Variants in RAP1B observed in about 807,000 individuals in gnomAD.
RAP1B encodes RAP1B, member of RAS oncogene family, also known as ras-related protein Rap-1b.
In RAP1B, 1 loss-of-function variant was observed where a neutral mutation model predicts 27.5. The ratio of observed to expected loss-of-function variants is 0.04; its 90% confidence interval spans 0.01 to 0.17. RAP1B has a LOEUF of 0.17. RAP1B is among the 10% of genes least tolerant of loss of function. RAP1B has a pLI of 1.00. For missense variants in RAP1B, 84 were observed against 214.8 expected, an observed-to-expected ratio of 0.39 and a Z score of 3.81; for synonymous variants, 75 against 73.1, an observed-to-expected ratio of 1.03 and a Z score of -0.13.
intron 1 of RAP1B, among the ~76,000 whole-genome samples, chr12:68,613,720 G>T (rs1164356315): frequency 6.6e-6 from 1 of 152,146 alleles, no homozygotes; most frequent in Admixed American, 6.5e-5. Flanking sequence ...GCACAGTGTA[G>T]CGCGTTGCCT....
At chr12:68,649,535 C>T (rs1375005187) in intron 2 of RAP1B, 1 of 152,034 alleles carries the variant, frequency 6.6e-6, no homozygotes, top group South Asian at 2.1e-4. Context: ...AGAGGAAAAA[C>T]GTAGGGAAAA....
At chr12:68,611,854 C>G (rs150580646) in intron 1 of RAP1B, among the ~76,000 whole-genome samples, 4 of 152,306 alleles carry the variant, frequency 2.6e-5, no homozygotes, top group Admixed American at 6.5e-5. Context: ...CTAAAACTAT[C>G]AGCGCCATGA....
chr12:68,638,496 G>A (rs897203290), intron 1 of RAP1B, among the ~76,000 whole-genome samples: 3 of 151,964 alleles, frequency 2.0e-5, no homozygotes, highest in Admixed American at 2.0e-4. Context: ...GTTGTCTTAC[G>A]TTTATTTTCA....
At position 68,665,665 on chromosome 12, in the gene RAP1B, A is replaced by G. The variant is rs755150197; in HGVS notation, c.*6416A>G. On this transcript the variant is annotated 3_prime_UTR_variant, in exon 8 of 8. Coordinates refer to ENST00000250559, the MANE Select transcript of RAP1B (RefSeq NM_001010942.3). ...TAGACCAGCAGTAATTTTGTGCTCT[A>G]AAATGCTTATTTTTATCTCTCTGTA... The G allele has an allele frequency of 1.6e-4, 24 of 152,176 alleles. No homozygotes were observed. Among genetic ancestry groups the G allele is most frequent in the Non-Finnish European group, 2.2e-4 (15 of 68,026 alleles). The allele number at this position is 152,176 out of a possible 1,614,324, so 9.4% of individuals were successfully genotyped here. A position where few individuals can be genotyped will look rare whatever the true frequency, so the allele number is the denominator to read the frequency against.
intron 1 of RAP1B, among the ~76,000 whole-genome samples, chr12:68,614,698 A>T (rs1255412712): frequency 6.6e-6 from 1 of 152,226 alleles, no homozygotes; most frequent in Non-Finnish European, 1.5e-5. Flanking sequence ...GAACAAGTTA[A>T]GACATTTTGG....
intron 1 of RAP1B, chr12:68,642,737 G>C: frequency 9.3e-7 from 1 of 1,075,606 alleles, no homozygotes; most frequent in Non-Finnish European, 1.4e-6. Context: ...CACCTGCGCA[G>C]TATATTTATC....
At chr12:68,611,899 C>T (rs1870626035) in intron 1 of RAP1B, among the ~76,000 whole-genome samples, 1 of 152,190 alleles carries the variant, frequency 6.6e-6, no homozygotes, top group Non-Finnish European at 1.5e-5. Context: ...GAACCGGGCT[C>T]TCCGGATTTT....
At chr12:68,637,621 A>C (rs996876343) in intron 1 of RAP1B, among the ~76,000 whole-genome samples, 5 of 150,574 alleles carry the variant, frequency 3.3e-5, no homozygotes, top group African/African-American at 4.9e-5. Context: ...AAAAAAAAAA[A>C]AAAAAAACAA....
At chr12:68,640,356 A>G (rs1390463594) in intron 1 of RAP1B, among the ~76,000 whole-genome samples, 2 of 151,676 alleles carry the variant, frequency 1.3e-5, no homozygotes, top group Non-Finnish European at 2.9e-5. Context: ...GACACTTTAT[A>G]CTGACTTTGT....
rs914286456 is a variant in RAP1B, at chr12:68,663,829, C to T, written c.*4580C>T. ...ATATCGGAGGTACAGCAGGGATTTTCTGCCCACGTGGGGAAAACACACAGC... is the reference window on the plus strand; with the variant it reads ...ATATCGGAGGTACAGCAGGGATTTTTTGCCCACGTGGGGAAAACACACAGC... On this transcript the variant is annotated 3_prime_UTR_variant, in exon 8 of 8. Transcript: ENST00000250559. The T allele has an allele frequency of 2.0e-5, 3 of 152,190 alleles. No homozygotes were observed. Among genetic ancestry groups the T allele is most frequent in the African/African-American group, 7.2e-5 (3 of 41,450 alleles). The allele number at this position is 152,190 out of a possible 1,614,324, so 9.4% of individuals were successfully genotyped here.
At chr12:68,626,033 TTGTTTC>T (rs1871747611) in intron 1 of RAP1B, among the ~76,000 whole-genome samples, 4 of 152,240 alleles carry the variant, frequency 2.6e-5, no homozygotes, top group African/African-American at 9.6e-5. Flanking sequence ...TCTGAGCCAT[TTGTTTC>T]TCCTCTCATG....
At chr12:68,622,480 T>G (rs1871453889) in intron 1 of RAP1B, among the ~76,000 whole-genome samples, 1 of 152,246 alleles carries the variant, frequency 6.6e-6, no homozygotes, top group South Asian at 2.1e-4. Flanking sequence ...CATTACTCAC[T>G]AAGCTCTAGC....
intron 1 of RAP1B, among the ~76,000 whole-genome samples, chr12:68,644,106 T>C (rs1044350330): frequency 1.3e-5 from 2 of 152,178 alleles, no homozygotes; most frequent in African/African-American, 4.8e-5. Context: ...ATATTAGCGG[T>C]CAGAGACAAT....
chr12:68,655,553 T>TTTTG (rs1874145094), intron 5 of RAP1B, among the ~76,000 whole-genome samples: 1 of 147,134 alleles, frequency 6.8e-6, no homozygotes. Context: ...TTTTTTTTTT[T>TTTTG]GAGACGGAGT....
chr12:68,657,253 C>A, intron 7 of RAP1B, 36 bp downstream of exon 7: 1 of 1,369,284 alleles, frequency 7.3e-7, no homozygotes, highest in African/African-American at 1.4e-5. Flanking sequence ...CTTTTAATCA[C>A]TCAACCTTAT....
At chr12:68,633,824 C>T (rs759823198) in intron 1 of RAP1B, among the ~76,000 whole-genome samples, 4 of 152,060 alleles carry the variant, frequency 2.6e-5, no homozygotes, top group Non-Finnish European at 2.9e-5. Context: ...GAGCTGAGAT[C>T]GTGCCACTGC....
At chr12:68,629,141 C>A (rs1349828406) in intron 1 of RAP1B, among the ~76,000 whole-genome samples, 1 of 152,174 alleles carries the variant, frequency 6.6e-6, no homozygotes, top group African/African-American at 2.4e-5. Flanking sequence ...CATGCACCAC[C>A]ATGCCCAGGT....
rs1296881242 is a variant in RAP1B, at chr12:68,663,725, G to A, written c.*4476G>A. The A allele has an allele frequency of 1.3e-5, 2 of 152,084 alleles. No individual in the cohort carries two copies. The highest frequency in any genetic ancestry group is 2.9e-5 in the Non-Finnish European group (2 of 68,032). 9.4% of individuals were successfully genotyped at this position (152,084 alleles called of 1,614,324 possible). ...AATTACAGGCTTTATCCAAAATTAGGCATATCTACCTGATTTTTGTATCTG... is the reference window on the plus strand; with the variant it reads ...AATTACAGGCTTTATCCAAAATTAGACATATCTACCTGATTTTTGTATCTG... On this transcript the variant is annotated 3_prime_UTR_variant, in exon 8 of 8. Transcript: ENST00000250559.
chr12:68,613,597 A>G (rs1258920722), intron 1 of RAP1B, among the ~76,000 whole-genome samples: 1 of 152,152 alleles, frequency 6.6e-6, no homozygotes, highest in East Asian at 1.9e-4. Context: ...GCCTTAACGC[A>G]CTGGCATGGT....
Sources: allele counts gnomAD v4.1 joint callset (sites outside exome capture counted in the v4.1 genomes callset), GRCh38; gene constraint gnomAD v4.1.1; transcripts MANE v1.5; gene names NCBI Gene and HGNC (gene_info 2026-07-23, HGNC 2026-07-21).